Variants in MGAT4D observed in about 807,000 individuals in gnomAD.
MGAT4D encodes the protein MGAT4 family member D.
A neutral mutation model predicts 15.9 loss-of-function variants in MGAT4D; 34 were observed. That is an observed-to-expected ratio of 2.14 (90% CI 1.62 to 2.84). The LOEUF is 2.84. MGAT4D is among the 30% of genes most tolerant of loss of function. The pLI, the probability that MGAT4D is intolerant of heterozygous loss-of-function variation, is 0.00. For missense variants in MGAT4D, 327 were observed against 140.2 expected, an observed-to-expected ratio of 2.33 and a Z score of -6.73; for synonymous variants, 112 against 48.2, an observed-to-expected ratio of 2.33 and a Z score of -5.49.
At chr4:140,451,715 T>C (rs1391087623) in intron 9 of MGAT4D, among the ~76,000 whole-genome samples, 198 bp from the exon 10 acceptor site, 1 of 152,132 alleles carries the variant, frequency 6.6e-6, no homozygotes, top group Non-Finnish European at 1.5e-5. Flanking sequence ...AGGGTTTTCA[T>C]TACAACATGT....
intron 1 of MGAT4D, among the ~76,000 whole-genome samples, chr4:140,494,565 C>T (rs1210220478): frequency 6.6e-6 from 1 of 152,180 alleles, no homozygotes. Context: ...ATCCAACTGC[C>T]TATTCAACAC....
At position 140,461,916 on chromosome 4, in the gene MGAT4D, C is replaced by CAT; in HGVS notation, c.762+12_762+13insAT. ...ACACACACACACACACACACACACA[C>CAT]ACAATTTCTGACCTGTAAATAATAC... On this transcript the variant is annotated intron_variant, in intron 7 of 10. Transcript: ENST00000511113. The CAT allele has an allele frequency of 1.4e-6, 1 of 693,834 alleles. No individual in the cohort carries two copies. The highest frequency in any genetic ancestry group is 2.6e-6 in the Non-Finnish European group (1 of 380,844). 43.0% of individuals were successfully genotyped at this position (693,834 alleles called of 1,614,324 possible). A position where few individuals can be genotyped will look rare whatever the true frequency, so the allele number is the denominator to read the frequency against.
chr4:140,443,201 C>G lies in MGAT4D; in HGVS notation c.*235G>C, dbSNP rs138775626. ...AGTGCAGTTCTTAATTTAAAAAAAA[C>G]TTCCTTGCCTTTAGTATTTTTAAAT... is the stretch of plus-strand genomic sequence containing the variant. On this transcript the variant is annotated 3_prime_UTR_variant, in exon 11 of 11. Transcript: ENST00000511113. The G allele has an allele frequency of 4.7e-4, 105 of 224,408 alleles. No homozygotes were observed. The highest frequency in any genetic ancestry group is 2.3e-3 in the African/African-American group (103 of 44,526). The allele number at this position is 224,408 out of a possible 1,614,324, so 13.9% of individuals were successfully genotyped here. A position where few individuals can be genotyped will look rare whatever the true frequency, so the allele number is the denominator to read the frequency against.
chr4:140,492,606 T>A (rs1213099636), intron 1 of MGAT4D, among the ~76,000 whole-genome samples: 1 of 150,440 alleles, frequency 6.6e-6, no homozygotes, highest in Admixed American at 6.7e-5. Flanking sequence ...CTAGCCTGGA[T>A]GACAGAGCAA....
At chr4:140,486,343 C>G (rs1733128790) in intron 1 of MGAT4D, among the ~76,000 whole-genome samples, 4 of 152,128 alleles carry the variant, frequency 2.6e-5, no homozygotes, top group Non-Finnish European at 4.4e-5. Flanking sequence ...GCACAGCCGT[C>G]TTTCCCTTAT....
intron 7 of MGAT4D, among the ~76,000 whole-genome samples, chr4:140,461,165 G>A (rs955845910): frequency 1.3e-5 from 2 of 152,216 alleles, no homozygotes; most frequent in African/African-American, 4.8e-5. Flanking sequence ...TGAGGACACA[G>A]AATAGAACTG....
intron 1 of MGAT4D, among the ~76,000 whole-genome samples, chr4:140,483,897 C>G (rs1356154910): frequency 6.6e-6 from 1 of 152,130 alleles, no homozygotes; most frequent in East Asian, 1.9e-4. Flanking sequence ...AGACCTGAAA[C>G]TGTAAGATTA....
chr4:140,471,483 G>A (rs1490269090), intron 5 of MGAT4D, among the ~76,000 whole-genome samples: 1 of 152,012 alleles, frequency 6.6e-6, no homozygotes, highest in East Asian at 1.9e-4. Context: ...AAAGGATACA[G>A]GAATGTTTTA....
chr4:140,482,211 A>T, intron 2 of MGAT4D, 116 bp downstream of exon 2: 1 of 477,894 alleles, frequency 2.1e-6, no homozygotes. Flanking sequence ...CACGTCTCAC[A>T]ATAAAAGAAC....
rs145674490 is a variant in MGAT4D at position 140,482,285 on chromosome 4, C to T, written c.253+42G>A. Reference sequence around the variant, plus strand: ...CTAAAATCATAAGACATTGAATCTACATTTCCAAAAACAAAACAAAACAAA... The same window carrying T: ...CTAAAATCATAAGACATTGAATCTATATTTCCAAAAACAAAACAAAACAAA... On this transcript the variant is annotated intron_variant, in intron 2 of 10. Coordinates refer to ENST00000511113, the MANE Select transcript of MGAT4D (RefSeq NM_001277353.2). The T allele has an allele frequency of 7.9e-4, 460 of 582,954 alleles. No homozygotes were observed. In the African/African-American group the frequency reaches 8.2e-3, roughly 10 times the overall value. The allele number at this position is 582,954 out of a possible 1,614,324, so 36.1% of individuals were successfully genotyped here.
At chr4:140,459,388 T>A (rs1731014547) in intron 8 of MGAT4D, 124 bp downstream of exon 8, 2 of 352,396 alleles carry the variant, frequency 5.7e-6, no homozygotes, top group East Asian at 7.9e-5. Context: ...AAGATAATAG[T>A]GTCTTTATAA....
At chr4:140,446,323 T>C (rs1278478185) in intron 10 of MGAT4D, among the ~76,000 whole-genome samples, 1 of 152,168 alleles carries the variant, frequency 6.6e-6, no homozygotes, top group Non-Finnish European at 1.5e-5. Flanking sequence ...CAGTAGGCTA[T>C]TTATTACTGA....
chr4:140,473,280 C>A (rs542005229), intron 4 of MGAT4D, among the ~76,000 whole-genome samples: 108 of 152,128 alleles, frequency 7.1e-4, no homozygotes, highest in African/African-American at 2.5e-3. Flanking sequence ...TACAGATATT[C>A]ATTCTTCTTT....
intron 6 of MGAT4D, among the ~76,000 whole-genome samples, chr4:140,463,359 G>A (rs1182570362): frequency 3.3e-5 from 5 of 152,176 alleles, no homozygotes; most frequent in South Asian, 2.1e-4. Flanking sequence ...TGGGGGCAGG[G>A]TGAATGGGAA....
At chr4:140,458,894 G>A (rs1730982537) in intron 8 of MGAT4D, 1 of 151,956 alleles carries the variant, frequency 6.6e-6, no homozygotes, top group Non-Finnish European at 1.5e-5. Context: ...AATCAATAAT[G>A]TCATGCACCA....
At chr4:140,470,194 T>C (rs1231521242) in intron 5 of MGAT4D, among the ~76,000 whole-genome samples, 1 of 152,244 alleles carries the variant, frequency 6.6e-6, no homozygotes, top group African/African-American at 2.4e-5. Flanking sequence ...CAATTGTTTG[T>C]GTGAAATTGC....
chr4:140,453,638 G>A (rs1730610447), intron 9 of MGAT4D, among the ~76,000 whole-genome samples: 1 of 151,986 alleles, frequency 6.6e-6, no homozygotes, highest in Non-Finnish European at 1.5e-5. Context: ...GGATCATGGG[G>A]TAAATTTCCC....
intron 1 of MGAT4D, among the ~76,000 whole-genome samples, chr4:140,489,180 T>C (rs1000531915): frequency 6.6e-6 from 1 of 152,166 alleles, no homozygotes; most frequent in African/African-American, 2.4e-5. Context: ...ATTATTAGTA[T>C]ACTTGTACCC....
At chr4:140,470,887 ATT>A (rs776418118) in intron 5 of MGAT4D, among the ~76,000 whole-genome samples, 8 of 142,934 alleles carry the variant, frequency 5.6e-5, no homozygotes, top group Admixed American at 7.0e-5. Flanking sequence ...TTATTTTATA[ATT>A]TTTTTTTTTT....
Sources: allele counts gnomAD v4.1 joint callset (sites outside exome capture counted in the v4.1 genomes callset), GRCh38; gene constraint gnomAD v4.1.1; transcripts MANE v1.5; gene names NCBI Gene and HGNC (gene_info 2026-07-23, HGNC 2026-07-21).